FZD6: variants seen among roughly 807,000 people sequenced by gnomAD.
FZD6 encodes frizzled class receptor 6.
Under a neutral mutation model 61.4 loss-of-function variants are expected in FZD6, and 49 were observed. The observed-to-expected ratio is 0.80, with a 90% confidence interval of 0.63 to 1.01. The LOEUF (loss-of-function observed/expected upper bound fraction) is 1.01, where lower values mean the gene tolerates loss of function less well. Ranked by LOEUF, FZD6 falls within the 50% of genes least tolerant of loss-of-function variation. The probability of loss-of-function intolerance (pLI) is 0.00; values close to 1 mark genes in which losing one functional copy is unlikely to be tolerated. For synonymous variants in FZD6, 265 were observed against 292.2 expected, an observed-to-expected ratio of 0.91 and a Z score of 0.95; for missense variants, 724 against 848.2, an observed-to-expected ratio of 0.85 and a Z score of 1.82.
chr8:103,308,833 T>A (rs1814415427), intron 2 of FZD6, among the ~76,000 whole-genome samples: 1 of 152,222 alleles, frequency 6.6e-6, no homozygotes, highest in South Asian at 2.1e-4. Flanking sequence ...TCTCTCCTGT[T>A]TAGTTTCTAT....
chr8:103,301,749 A>G (rs1022424744), intron 2 of FZD6, among the ~76,000 whole-genome samples: 25 of 152,190 alleles, frequency 1.6e-4, no homozygotes, highest in African/African-American at 5.8e-4. Flanking sequence ...TTATAAATTC[A>G]TATCACCTAG....
intron 4 of FZD6, among the ~76,000 whole-genome samples, chr8:103,327,220 A>G (rs1286435108): frequency 6.6e-6 from 1 of 152,254 alleles, no homozygotes; most frequent in Non-Finnish European, 1.5e-5. Context: ...AAATGACAAT[A>G]GATTGGAAGT....
At chr8:103,321,220 C>T (rs1017004485) in intron 3 of FZD6, among the ~76,000 whole-genome samples, 3 of 152,072 alleles carry the variant, frequency 2.0e-5, no homozygotes, top group Non-Finnish European at 4.4e-5. Flanking sequence ...CAAATTTATT[C>T]GTGTTTGAGA....
At chr8:103,298,615 C>A (rs1243516469), upstream of FZD6, 1 of 152,166 alleles carries the variant, frequency 6.6e-6, no homozygotes, top group African/African-American at 2.4e-5. Flanking sequence ...CTCAGCCTTG[C>A]GCCTCGGGGG....
chr8:103,325,539 A>G (rs889121099), intron 4 of FZD6, 41 bp downstream of exon 4: 4 of 1,414,000 alleles, frequency 2.8e-6, no homozygotes, highest in Non-Finnish European at 4.0e-6. Context: ...TTTACATTTA[A>G]TGTAGAAAAT....
In FZD6 at chr8:103,318,629, A is replaced by G. The variant is rs772568156; in HGVS notation, c.217A>G (p.Ile73Val). Residue 73 changes from isoleucine (I) to valine (V), a missense_variant, in exon 3 of 7, where the codon ATT becomes GTT. Ile to Val is a conservative substitution (Grantham distance 29). Coordinates refer to ENST00000358755, the MANE Select transcript of FZD6 (RefSeq NM_003506.4). ...CGCAAATCTGGAATGTTCACCAAAC[A>G]TTGAAACTTTCCTCTGCAAAGCATT... ...PLANLECSPN[I>V]ETFLCKAFVP... 6.2e-7 allele frequency: 1 copy of G among 1,611,662 alleles called. No homozygotes were observed. The highest frequency in any genetic ancestry group is 1.3e-5 in the African/African-American group (1 of 74,896).
intron 2 of FZD6, among the ~76,000 whole-genome samples, chr8:103,315,698 T>A (rs1276696470): frequency 6.6e-6 from 1 of 152,200 alleles, no homozygotes; most frequent in Non-Finnish European, 1.5e-5. Context: ...TTACCTTGAT[T>A]GTGATAATCA....
chr8:103,330,196 G>A (rs772218666), intron 6 of FZD6, 131 bp downstream of exon 6: 2 of 811,082 alleles, frequency 2.5e-6, no homozygotes, highest in East Asian at 2.6e-5. Flanking sequence ...AGGAAGTTTG[G>A]GTTCAGCCTA....
chr8:103,308,016 C>T (rs533936483), intron 2 of FZD6: 4 of 448,050 alleles, frequency 8.9e-6, no homozygotes, highest in African/African-American at 8.0e-5. Context: ...ATATTGAGGG[C>T]TTAAGGTTGG....
chr8:103,325,828 G>A (rs963840427), intron 4 of FZD6, among the ~76,000 whole-genome samples: 3 of 152,094 alleles, frequency 2.0e-5, no homozygotes, highest in African/African-American at 7.2e-5. Context: ...TTGTCGCATT[G>A]GCAATTATTT....
chr8:103,299,295 C>G (rs827526), intron 1 of FZD6, among the ~76,000 whole-genome samples: 1 of 152,058 alleles, frequency 6.6e-6, no homozygotes, highest in Non-Finnish European at 1.5e-5. Context: ...TGTGTTGGGG[C>G]GCGGGTAATT....
intron 2 of FZD6, among the ~76,000 whole-genome samples, chr8:103,312,936 C>T (rs1423259065): frequency 6.6e-6 from 1 of 152,100 alleles, no homozygotes; most frequent in Non-Finnish European, 1.5e-5. Context: ...GAGTCCCAAT[C>T]CTCTTGATAT....
intron 2 of FZD6, among the ~76,000 whole-genome samples, chr8:103,303,722 TATC>T (rs1379162707): frequency 6.6e-6 from 1 of 152,224 alleles, no homozygotes; most frequent in Non-Finnish European, 1.5e-5. Context: ...GTGGTTTACA[TATC>T]ATTCTTTTTC....
intron 4 of FZD6, among the ~76,000 whole-genome samples, chr8:103,327,124 C>G (rs1814974140): frequency 1.3e-5 from 2 of 152,174 alleles, no homozygotes; most frequent in Admixed American, 1.3e-4. Context: ...TACACTGATA[C>G]TGCCCTTCTG....
intron 4 of FZD6, among the ~76,000 whole-genome samples, chr8:103,327,168 G>A (rs1322127927): frequency 6.6e-6 from 1 of 152,172 alleles, no homozygotes; most frequent in Non-Finnish European, 1.5e-5. Context: ...ACAAATATGA[G>A]AAATTAAATA....
rs1214749440 is a variant in FZD6 at position 103,324,891 on chromosome 8, A to G, written c.785A>G (p.Lys262Arg). 1 of 1,614,082 alleles carries G rather than the reference A, an allele frequency of 6.2e-7. No homozygotes were observed. Among genetic ancestry groups the G allele is most frequent in the South Asian group, 1.1e-5 (1 of 91,084 alleles). ...FLLGDSTACNKADEKLELGDT... is the reference protein window; with the variant it reads ...FLLGDSTACNRADEKLELGDT... ...CTAGGCGATAGCACAGCCTGCAATAAGGCAGATGAGAAGCTAGAACTTGGT... is the reference window on the plus strand; with the variant it reads ...CTAGGCGATAGCACAGCCTGCAATAGGGCAGATGAGAAGCTAGAACTTGGT... Residue 262 changes from lysine (K) to arginine (R), a missense_variant, in exon 4 of 7, where the codon AAG becomes AGG. Coordinates refer to ENST00000358755, the MANE Select transcript of FZD6 (RefSeq NM_003506.4).
chr8:103,303,128 A>G (rs1170566419), intron 2 of FZD6, among the ~76,000 whole-genome samples: 1 of 152,190 alleles, frequency 6.6e-6, no homozygotes, highest in Non-Finnish European at 1.5e-5. Flanking sequence ...ACCTGGTTCT[A>G]GAGCACTCCA....
At chr8:103,326,645 T>C (rs1208247797) in intron 4 of FZD6, among the ~76,000 whole-genome samples, 2 of 151,200 alleles carry the variant, frequency 1.3e-5, no homozygotes, top group African/African-American at 4.8e-5. Flanking sequence ...TATAAAAGAT[T>C]GCTAAATTTG....
chr8:103,311,153 C>T (rs943020778), intron 2 of FZD6, among the ~76,000 whole-genome samples: 2 of 152,134 alleles, frequency 1.3e-5, no homozygotes, highest in African/African-American at 4.8e-5. Context: ...GTCACCAGTG[C>T]CAATACCATT....
Sources: allele counts gnomAD v4.1 joint callset (sites outside exome capture counted in the v4.1 genomes callset), GRCh38; gene constraint gnomAD v4.1.1; transcripts MANE v1.5; gene names NCBI Gene and HGNC (gene_info 2026-07-23, HGNC 2026-07-21).